The following PLA2G4B variants were observed in gnomAD, a reference collection of about 807,000 sequenced individuals.
PLA2G4B encodes cytosolic phospholipase A2 beta.
In PLA2G4B, 122 loss-of-function variants were observed where a neutral mutation model predicts 95.8. The observed-to-expected ratio is 1.27, with a 90% CI of 1.10 to 1.48. PLA2G4B has a LOEUF of 1.48. PLA2G4B is among the 40% of genes most tolerant of loss of function. The pLI is 0.00. For missense variants in PLA2G4B, 1,158 were observed against 996.2 expected (o/e 1.16, Z -2.19); for synonymous variants, 518 against 421.5 (o/e 1.23, Z -2.80).
intron 12 of PLA2G4B, 90 bp from the exon 13 acceptor site, chr15:41,844,757 CA>C: frequency 1.4e-5 from 21 of 1,538,338 alleles, no homozygotes; most frequent in Non-Finnish European, 1.8e-5. Context: ...AGGTCCCTGC[CA>C]GGCCATTGTC....
At chr15:41,841,150 A>T in intron 5 of PLA2G4B, 55 bp downstream of exon 5, 1 of 1,613,830 alleles carries the variant, frequency 6.2e-7, no homozygotes, top group Non-Finnish European at 8.5e-7. Flanking sequence ...GAAGGACAGC[A>T]CTAGTGCCTG....
At chr15:41,845,596 A>G (rs766068320) in intron 14 of PLA2G4B, 42 bp from the exon 15 acceptor site, 4 of 1,611,362 alleles carry the variant, frequency 2.5e-6, no homozygotes, top group African/African-American at 1.3e-5. Context: ...GTGGGTGCCT[A>G]AGGGCTCTGC....
chr15:41,847,377 T>G lies in PLA2G4B; in HGVS notation c.1988T>G (p.Ile663Ser). Residue 663 changes from isoleucine to serine, a missense_variant, in exon 19 of 20, where the codon ATC becomes AGC. By Grantham distance (142) the Ile-to-Ser change is moderately radical. Coordinates refer to ENST00000458483, the MANE Select transcript of PLA2G4B (RefSeq NM_001114633.2). ...GGCCGGTTCTGCCAGGAGCAGGGGATCCCGTTCCCACCCATCTCGCCCAGC... is the reference window on the plus strand; with the variant it reads ...GGCCGGTTCTGCCAGGAGCAGGGGAGCCCGTTCCCACCCATCTCGCCCAGC... ...LLGRFCQEQG[I>S]PFPPISPSPE... 1 of 1,610,906 alleles carries G rather than the reference T, an allele frequency of 6.2e-7. No homozygotes were observed. The highest frequency in any genetic ancestry group is 1.1e-5 in the South Asian group (1 of 91,038).
In PLA2G4B at chr15:41,847,349, C is replaced by A. The variant is rs1313872372; in HGVS notation, c.1960C>A (p.Leu654Met). ...LHGAFQQLQLLGRFCQEQGIP... is the reference protein window; with the variant it reads ...LHGAFQQLQLMGRFCQEQGIP... ...GCCTGCCCTGCAGCAGTTGCAGCTC[C>A]TGGGCCGGTTCTGCCAGGAGCAGGG... The change falls in exon 19 of 20, where the codon CTG (leucine) becomes ATG (methionine). Residue 654 changes from leucine (L) to methionine (M), a missense_variant. Physicochemically the swap from Leu to Met is conservative, Grantham distance 15. Coordinates refer to ENST00000458483, the MANE Select transcript of PLA2G4B (RefSeq NM_001114633.2). 2 of 1,604,958 alleles carry A rather than the reference C, an allele frequency of 1.2e-6. No homozygotes were observed. Among genetic ancestry groups the A allele is most frequent in the Admixed American group, 1.7e-5 (1 of 59,670 alleles).
At position 41,847,395 on chromosome 15, in the gene PLA2G4B, C is replaced by T. The variant is rs151284060; in HGVS notation, c.2006C>T (p.Ser669Leu). The change falls in exon 19 of 20, where the codon TCG becomes TTG. Residue 669 changes from serine to leucine, a missense_variant. Transcript: ENST00000458483. The stretch of plus-strand genomic sequence containing the variant: ...CAGGGGATCCCGTTCCCACCCATCT[C>T]GCCCAGCCCCGAAGAGCAGCTCCAG... ...QEQGIPFPPISPSPEEQLQPR... is the reference protein window; with the variant it reads ...QEQGIPFPPILPSPEEQLQPR... The T allele has an allele frequency of 2.9e-5, 47 of 1,612,494 alleles. No homozygotes were observed. The highest frequency in any genetic ancestry group is 1.3e-4 in the African/African-American group (10 of 74,912).
At position 41,841,817 on chromosome 15, in the gene PLA2G4B, A is replaced by G. The variant is rs1412556055; in HGVS notation, c.491-2A>G. On this transcript the variant is annotated splice_acceptor_variant, in intron 7 of 19. Transcript: ENST00000458483. LOFTEE classifies it high-confidence loss of function. Reference sequence around the variant, plus strand: ...CCTCTCTGCTCTGGTTCCTGTTTCCAGCCTCAGAGCACAGAGTTCAGCTTG... The same window carrying G: ...CCTCTCTGCTCTGGTTCCTGTTTCCGGCCTCAGAGCACAGAGTTCAGCTTG... 2 of 1,613,148 alleles carry G rather than the reference A, an allele frequency of 1.2e-6. No homozygotes were observed. The highest frequency in any genetic ancestry group is 1.1e-5 in the South Asian group (1 of 90,866).
chr15:41,840,185 A>G lies in PLA2G4B; in HGVS notation c.37A>G (p.Thr13Ala). 6.2e-7 allele frequency: 1 copy of G among 1,613,132 alleles called. No individual in the cohort carries two copies. The change falls in exon 2 of 20, where the codon ACG becomes GCG. Residue 13 changes from threonine to alanine, a missense_variant. Coordinates refer to ENST00000458483, the MANE Select transcript of PLA2G4B (RefSeq NM_001114633.2). ...VAEVSRTCLL[T>A]VRVLQAHRLP... ...AGAGGTGTCCAGGACCTGCCTGCTC[A>G]CGGTTCGTGTCCTGCAGGCCCATCG... is the stretch of plus-strand genomic sequence containing the variant.
intron 18 of PLA2G4B, 117 bp downstream of exon 18, chr15:41,846,952 C>A: frequency 1.5e-6 from 2 of 1,344,012 alleles, no homozygotes; most frequent in Non-Finnish European, 2.0e-6. Flanking sequence ...GATTGGGACA[C>A]TGGAATCTTA....
In PLA2G4B at chr15:41,841,455, G is replaced by A. The variant is rs528088302; in HGVS notation, c.436-62G>A. ...AGACCAGCAGCAGCCAGGGTGCTGC[G>A]AGGGTGGGGTCCCTGAATGGGGGGT... On this transcript the variant is annotated intron_variant, in intron 6 of 19. Coordinates refer to ENST00000458483, the MANE Select transcript of PLA2G4B (RefSeq NM_001114633.2). 1.2e-5 allele frequency: 19 copies of A among 1,612,634 alleles called. No individual in the cohort carries two copies. In the South Asian group the frequency reaches 1.9e-4, roughly 16 times the overall value.
rs1045756256 is a variant in PLA2G4B, at chr15:41,842,647, G to GATGGAGGAGGC, written c.743+56_743+57insATGGAGGAGGC. On this transcript the variant is annotated intron_variant, in intron 10 of 19. Transcript: ENST00000458483. ...CCCTGGAAAACAACCAGGGTGCGGG[G>GATGGAGGAGGC]CTGGAGGAGGCCTGGAGGAGTGAGG... is the stretch of plus-strand genomic sequence containing the variant. 1.9e-6 allele frequency: 3 copies of GATGGAGGAGGC among 1,593,702 alleles called. No homozygotes were observed. The African/African-American group carries it at 4.1e-5, about 22-fold the overall frequency.
rs749011270 is a variant in PLA2G4B, at chr15:41,847,513, C to G, written c.2124C>G (p.Tyr708Ter). ...TGGTCAGCGACTCCTTCCGGGAGTA[C>G]TCGGCCCCTGGTGAGCTGCTGTTCA... is the stretch of plus-strand genomic sequence containing the variant. ...FPLVSDSFRE[Y>*]SAPGVRRTPE... The change falls in exon 19 of 20, where the codon TAC becomes TAG. Residue 708 changes from tyrosine (Y) to a stop codon, truncating the protein, a stop_gained. Coordinates refer to ENST00000458483, the MANE Select transcript of PLA2G4B (RefSeq NM_001114633.2). LOFTEE classifies it low-confidence loss of function (END_TRUNC). 1.9e-6 allele frequency: 3 copies of G among 1,604,654 alleles called. No homozygotes were observed. The highest frequency in any genetic ancestry group is 2.2e-5 in the South Asian group (2 of 90,670).
chr15:41,845,994 C>T lies in PLA2G4B; in HGVS notation c.1547C>T (p.Ala516Val). Residue 516 changes from alanine (A) to valine (V), a missense_variant, in exon 16 of 20, where the codon GCC (alanine) becomes GTC (valine). By Grantham distance (64) the Ala-to-Val change is moderately conservative (BLOSUM62 0). Transcript: ENST00000458483. The part of the protein sequence containing the change: ...AANLQDSLYW[A>V]SEPSQFWDRW... ...AACCTCCAGGACAGCTTATACTGGG[C>T]CTCAGAGCCCAGCCAGTTCTGGGAC... The T allele has an allele frequency of 6.6e-7, 1 of 1,523,936 alleles. No individual in the cohort carries two copies. The allele number at this position is 1,523,936 out of a possible 1,614,324, so 94.4% of individuals were successfully genotyped here.
At chr15:41,842,884 G>A in intron 10 of PLA2G4B, 2 of 416,416 alleles carry the variant, frequency 4.8e-6, no homozygotes, top group South Asian at 6.8e-5. Flanking sequence ...ATGGTAACAT[G>A]GTTTGGGGCG....
rs201420531 is a variant in PLA2G4B at position 41,847,869 on chromosome 15, G to A, written c.*9G>A. Reference sequence around the variant, plus strand: ...AGCGCAGGCCCCACTGATGGCCGGGGCCCCTGCCACCCCTAACTCTCATTC... The same window carrying A: ...AGCGCAGGCCCCACTGATGGCCGGGACCCCTGCCACCCCTAACTCTCATTC... On this transcript the variant is annotated 3_prime_UTR_variant, in exon 20 of 20. Coordinates refer to ENST00000458483, the MANE Select transcript of PLA2G4B (RefSeq NM_001114633.2). The A allele has an allele frequency of 6.2e-6, 10 of 1,610,246 alleles. No individual in the cohort carries two copies. In the East Asian group the frequency reaches 1.8e-4, roughly 29 times the overall value.
At position 41,847,937 on chromosome 15, in the gene PLA2G4B, A is replaced by C; in HGVS notation, c.*77A>C. 1 of 1,512,680 alleles carries C rather than the reference A, an allele frequency of 6.6e-7. No individual in the cohort carries two copies. Among genetic ancestry groups the C allele is most frequent in the South Asian group, 1.3e-5 (1 of 79,900 alleles). The allele number at this position is 1,512,680 out of a possible 1,614,324, so 93.7% of individuals were successfully genotyped here. On this transcript the variant is annotated 3_prime_UTR_variant, in exon 20 of 20. Coordinates refer to ENST00000458483, the MANE Select transcript of PLA2G4B (RefSeq NM_001114633.2). ...TTGCAGGTGGGAACTGTCATCACGC[A>C]GTGCTTCAGAGCCTCGGGCTCAGGT...
intron 14 of PLA2G4B, 77 bp from the exon 15 acceptor site, chr15:41,845,561 C>G: frequency 6.3e-7 from 1 of 1,580,440 alleles, no homozygotes; most frequent in Non-Finnish European, 8.6e-7. Context: ...TGCCCTAAAG[C>G]AAAACCCTGG....
At chr15:41,844,087 G>A (rs2065487152) in intron 11 of PLA2G4B, among the ~76,000 whole-genome samples, 1 of 152,202 alleles carries the variant, frequency 6.6e-6, no homozygotes, top group Non-Finnish European at 1.5e-5. Context: ...ACAGATATCT[G>A]GTATGAGGCC....
rs1342938625 is a variant in PLA2G4B at position 41,842,588 on chromosome 15, C to A, written c.740C>A (p.Ala247Glu). ...PLMRVELKKE[A>E]GLRELAVRLG... is the part of the protein sequence containing the mutation. Reference sequence around the variant, plus strand: ...ATGAGAGTGGAGCTGAAAAAAGAAGCAGGGTGAGAGGCCTGGCTGGGGACT... The same window carrying A: ...ATGAGAGTGGAGCTGAAAAAAGAAGAAGGGTGAGAGGCCTGGCTGGGGACT... Residue 247 changes from alanine (A) to glutamate (E), a missense_variant, in exon 10 of 20, where the codon GCA becomes GAA. Transcript: ENST00000458483. The A allele has an allele frequency of 6.2e-7, 1 of 1,607,034 alleles. No individual in the cohort carries two copies. Among genetic ancestry groups the A allele is most frequent in the Admixed American group, 1.7e-5 (1 of 57,178 alleles).
chr15:41,844,747 AG>A, intron 12 of PLA2G4B, 100 bp from the exon 13 acceptor site: 7 of 1,542,724 alleles, frequency 4.5e-6, no homozygotes, highest in Non-Finnish European at 6.1e-6. Context: ...GACCCTGGGA[AG>A]GTCCCTGCCA....
Sources: gnomAD v4.1 joint callset for allele counts (sites outside exome capture counted in the v4.1 genomes callset) on GRCh38, gnomAD v4.1.1 for gene constraint, MANE v1.5 for transcripts, NCBI Gene and HGNC (gene_info 2026-07-23, HGNC 2026-07-21) for gene names.